The following KCNIP4 variants were observed in gnomAD, a reference collection of about 807,000 sequenced individuals.
KCNIP4 encodes Kv channel-interacting protein 4.
KCNIP4 carries 12 observed loss-of-function variants against 34.0 expected under a neutral mutation model. That is an observed-to-expected ratio of 0.35 (90% CI 0.23 to 0.57). The LOEUF (loss-of-function observed/expected upper bound fraction) is 0.57, where lower values mean the gene tolerates loss of function less well. Among genes scored for constraint, KCNIP4 ranks in the 20% least tolerant of loss-of-function variants. The probability of loss-of-function intolerance (pLI) is 0.83; values close to 1 mark genes in which losing one functional copy is unlikely to be tolerated. For synonymous variants in KCNIP4, 124 were observed against 102.2 expected, an observed-to-expected ratio of 1.21 and a Z score of -1.29; for missense variants, 238 against 311.7, an observed-to-expected ratio of 0.76 and a Z score of 1.78.
At chr4:21,075,660 G>C (rs933393508) in intron 1 of KCNIP4, among the ~76,000 whole-genome samples, 2 of 152,144 alleles carry the variant, frequency 1.3e-5, no homozygotes, top group African/African-American at 2.4e-5. Flanking sequence ...ATATTGTTAT[G>C]TGTGAATTTG....
intron 1 of KCNIP4, among the ~76,000 whole-genome samples, chr4:21,398,721 G>T (rs1723222777): frequency 6.6e-6 from 1 of 152,118 alleles, no homozygotes; most frequent in Admixed American, 6.6e-5. Flanking sequence ...CCAGCATTTT[G>T]ATCCCAAACA....
intron 1 of KCNIP4, among the ~76,000 whole-genome samples, chr4:21,633,818 T>C (rs1291198509): frequency 6.6e-6 from 1 of 152,138 alleles, no homozygotes; most frequent in Non-Finnish European, 1.5e-5. Context: ...CATGTTAACA[T>C]AAATATTGTT....
chr4:20,883,459 C>T (rs550916151), intron 1 of KCNIP4, among the ~76,000 whole-genome samples: 24 of 152,112 alleles, frequency 1.6e-4, no homozygotes, highest in African/African-American at 4.1e-4. Context: ...AGTGGCTGGA[C>T]GGGTGAGCTT....
chr4:21,606,272 C>G (rs940860893), intron 1 of KCNIP4, among the ~76,000 whole-genome samples: 1 of 151,942 alleles, frequency 6.6e-6, no homozygotes, highest in Non-Finnish European at 1.5e-5. Flanking sequence ...CATTGAGACT[C>G]GATATGTATG....
intron 1 of KCNIP4, among the ~76,000 whole-genome samples, chr4:21,510,011 G>A (rs954780150): frequency 1.1e-4 from 16 of 146,106 alleles, no homozygotes; most frequent in African/African-American, 2.3e-4. Context: ...CCAGCTACTC[G>A]GAAAGCAGCA....
At chr4:21,509,787 T>C (rs1329886111) in intron 1 of KCNIP4, among the ~76,000 whole-genome samples, 1 of 152,132 alleles carries the variant, frequency 6.6e-6, no homozygotes, top group Non-Finnish European at 1.5e-5. Context: ...TTTATTTCCA[T>C]TGCTGTTAGA....
intron 1 of KCNIP4, among the ~76,000 whole-genome samples, chr4:21,476,059 A>G (rs1730934458): frequency 6.6e-6 from 1 of 152,186 alleles, no homozygotes; most frequent in Admixed American, 6.5e-5. Flanking sequence ...TAGATTAATT[A>G]CATTTGATTC....
intron 1 of KCNIP4, among the ~76,000 whole-genome samples, chr4:21,166,633 A>C (rs1364066972): frequency 6.6e-6 from 1 of 152,194 alleles, no homozygotes; most frequent in Admixed American, 6.5e-5. Flanking sequence ...AACAACCCAA[A>C]TGCCCAACAA....
intron 1 of KCNIP4, among the ~76,000 whole-genome samples, chr4:21,941,293 A>G (rs1367695292): frequency 1.3e-5 from 2 of 152,124 alleles, no homozygotes; most frequent in African/African-American, 4.8e-5. Flanking sequence ...ACAAAAAAAG[A>G]CAGATTGTGG....
rs1053420892 is a variant in KCNIP4 at position 21,402,536 on chromosome 4, G to A, written c.62-519827C>T. Reference sequence around the variant, plus strand: ...CGGGAATAACTCCATTCTTTTGCTGGTTTCCTAACAATGGTAGTTGTATTC... The same window carrying A: ...CGGGAATAACTCCATTCTTTTGCTGATTTCCTAACAATGGTAGTTGTATTC... On this transcript the variant is annotated intron_variant, in intron 1 of 8. Transcript: ENST00000382152. Among the ~76,000 whole-genome samples the A allele has an allele frequency of 9.2e-5, 14 of 152,262 alleles. No individual in the cohort carries two copies. The South Asian group carries it at 2.9e-3, about 32-fold the overall frequency.
intron 1 of KCNIP4, among the ~76,000 whole-genome samples, chr4:20,920,918 G>A (rs1729335022): frequency 6.6e-6 from 1 of 152,090 alleles, no homozygotes; most frequent in South Asian, 2.1e-4. Flanking sequence ...GAACCCGGGA[G>A]GTGGAGTTTG....
chr4:21,550,415 AATTAG>A (rs1167364864), intron 1 of KCNIP4, among the ~76,000 whole-genome samples: 2 of 152,084 alleles, frequency 1.3e-5, no homozygotes, highest in African/African-American at 4.8e-5. Context: ...GGTCACAACA[AATTAG>A]ATTAGAGTGC....
intron 1 of KCNIP4, among the ~76,000 whole-genome samples, chr4:21,145,859 A>C (rs535717960): frequency 6.6e-6 from 1 of 152,302 alleles, no homozygotes; most frequent in African/African-American, 2.4e-5. Flanking sequence ...TAAAGATTTC[A>C]CTAGCCTCTT....
intron 1 of KCNIP4, among the ~76,000 whole-genome samples, chr4:21,534,094 G>C (rs1308676967): frequency 6.6e-6 from 1 of 152,150 alleles, no homozygotes; most frequent in African/African-American, 2.4e-5. Context: ...CAGTGCCTCA[G>C]TTTCCTTCTT....
intron 1 of KCNIP4, among the ~76,000 whole-genome samples, chr4:21,086,898 T>G (rs574134764): frequency 1.3e-5 from 2 of 150,032 alleles, no homozygotes; most frequent in African/African-American, 4.9e-5. Context: ...CCCTCCCTTC[T>G]TTCTCCCTCT....
At chr4:21,775,528 T>A (rs1054085543) in intron 1 of KCNIP4, among the ~76,000 whole-genome samples, 5 of 152,198 alleles carry the variant, frequency 3.3e-5, no homozygotes, top group Non-Finnish European at 5.9e-5. Context: ...AACCCATTTG[T>A]CTGGGCTGCC....
intron 4 of KCNIP4, 100 bp downstream of exon 4, chr4:20,758,721 C>A: frequency 9.1e-6 from 8 of 883,326 alleles, no homozygotes; most frequent in African/African-American, 1.7e-5. Context: ...TTTTACATAA[C>A]GATTAAAAAT....
chr4:21,788,115 T>C (rs2109226971), intron 1 of KCNIP4, among the ~76,000 whole-genome samples: 1 of 152,324 alleles, frequency 6.6e-6, no homozygotes, highest in Non-Finnish European at 1.5e-5. Flanking sequence ...TTCACTCTTT[T>C]GCAAGTAAAC....
chr4:21,575,532 TCTCTTCCTC>T (rs1352255852), intron 1 of KCNIP4, among the ~76,000 whole-genome samples: 1 of 152,164 alleles, frequency 6.6e-6, no homozygotes, highest in African/African-American at 2.4e-5. Flanking sequence ...CTTCCTCTTT[TCTCTTCCTC>T]CTCTTCCTTT....
Sources: gnomAD v4.1 joint callset for allele counts (sites outside exome capture counted in the v4.1 genomes callset) on GRCh38, gnomAD v4.1.1 for gene constraint, MANE v1.5 for transcripts, NCBI Gene and HGNC (gene_info 2026-07-23, HGNC 2026-07-21) for gene names.